Variants in NCOR2 observed in about 807,000 individuals in gnomAD.
NCOR2 encodes the protein nuclear receptor corepressor 2.
A neutral mutation model predicts 262.9 loss-of-function variants in NCOR2; 81 were observed. The ratio of observed to expected loss-of-function variants is 0.31; its 90% CI spans 0.26 to 0.37. The LOEUF is 0.37. NCOR2 is among the 10% of genes least tolerant of loss of function. The pLI is 1.00. For missense variants in NCOR2, 3,385 were observed against 3,621.4 expected (o/e 0.93, Z 1.68); for synonymous variants, 1,659 against 1,559.3 (o/e 1.06, Z -1.51).
At chr12:124,372,301 T>C (rs1403180266) in exon 20 of NCOR2, 2 of 1,535,702 alleles carry the variant, frequency 1.3e-6, no homozygotes, top group East Asian at 4.5e-5. Flanking sequence ...GGGGGGCTTC[T>C]GCTCCTCCCC....
chr12:124,347,245 G>A (rs565977080), intron 30 of NCOR2, among the ~76,000 whole-genome samples: 1 of 152,324 alleles, frequency 6.6e-6, no homozygotes, highest in South Asian at 2.1e-4. Flanking sequence ...GTGTGCATCT[G>A]TGGTCCCAGC....
chr12:124,339,324 C>T (rs2036200835), intron 37 of NCOR2, among the ~76,000 whole-genome samples: 1 of 142,086 alleles, frequency 7.0e-6, no homozygotes, highest in Non-Finnish European at 1.5e-5. Flanking sequence ...TCCATCCATC[C>T]ATCCATCCAT....
chr12:124,327,368 G>C, intron 45 of NCOR2, 41 bp downstream of exon 47: 1 of 1,463,466 alleles, frequency 6.8e-7, no homozygotes. Flanking sequence ...TCACACCGGG[G>C]GTGGGGACAG....
At chr12:124,358,445 C>T (rs1016576374) in intron 22 of NCOR2, among the ~76,000 whole-genome samples, 22 of 152,112 alleles carry the variant, frequency 1.4e-4, no homozygotes, top group Admixed American at 5.9e-4. Flanking sequence ...TGTGTTGTGG[C>T]GGGCAGTGGG....
chr12:124,482,198 G>C lies in NCOR2; in HGVS notation c.411+1398C>G, dbSNP rs1027199500. Among the ~76,000 whole-genome samples the C allele has an allele frequency of 2.6e-4, 39 of 152,120 alleles. No individual in the cohort carries two copies. The highest frequency in any genetic ancestry group is 7.7e-4 in the African/African-American group (32 of 41,418). ...ACTTGGTGAGGCGGGGACTGCCCCAGTGGCAGGGAGGCCAAGCCAGCCAAC... is the reference window on the plus strand; with the variant it reads ...ACTTGGTGAGGCGGGGACTGCCCCACTGGCAGGGAGGCCAAGCCAGCCAAC... On this transcript the variant is annotated intron_variant, in intron 3 of 46. Coordinates refer to ENST00000405201, the Ensembl canonical transcript of NCOR2. The surrounding 1 kb of genome is among the most constrained non-coding windows in gnomAD (Gnocchi z 6.3).
intron 13 of NCOR2, among the ~76,000 whole-genome samples, chr12:124,418,040 G>A (rs1251495778): frequency 4.7e-5 from 7 of 148,406 alleles, no homozygotes; most frequent in East Asian, 2.0e-4. Flanking sequence ...TGACCTGGGC[G>A]ACGGTGTGAA....
At chr12:124,532,056 G>A (rs1254628144) in intron 1 of NCOR2, among the ~76,000 whole-genome samples, 1 of 152,154 alleles carries the variant, frequency 6.6e-6, no homozygotes, top group Non-Finnish European at 1.5e-5. Flanking sequence ...CCCTGGGGAT[G>A]CCACATCGCC....
At chr12:124,381,699 ATC>A (rs1019879128) in intron 17 of NCOR2, among the ~76,000 whole-genome samples, 41 of 152,356 alleles carry the variant, frequency 2.7e-4, no homozygotes, top group African/African-American at 9.6e-4. Flanking sequence ...TGGCTGGACC[ATC>A]TCTCTGCAGG....
intron 5 of NCOR2, among the ~76,000 whole-genome samples, chr12:124,459,278 A>G (rs999652757): frequency 5.9e-5 from 9 of 152,094 alleles, no homozygotes; most frequent in Non-Finnish European, 1.2e-4. Context: ...CACAGCTAGC[A>G]CCTAGAGAGC....
At chr12:124,550,164 A>AG (rs111477225) in intron 1 of NCOR2, among the ~76,000 whole-genome samples, 136,091 of 151,886 alleles carry the variant, frequency 0.9, 61,257 homozygotes, top group East Asian at 1. Flanking sequence ...AGAGTGACCC[A>AG]ACCCCCAAAA....
At chr12:124,347,838 C>A in exon 30 of NCOR2, 1 of 1,565,448 alleles carries the variant, frequency 6.4e-7, no homozygotes, top group Non-Finnish European at 8.7e-7. Context: ...GTGTGATGGA[C>A]CCGCGGATGT....
chr12:124,514,253 A>C (rs1951905990), intron 1 of NCOR2: 1 of 152,226 alleles, frequency 6.6e-6, no homozygotes, highest in Non-Finnish European at 1.5e-5. Context: ...ATGAACCAGG[A>C]AACGGGCCCT....
chr12:124,378,435 C>T lies in NCOR2; in HGVS notation c.2020-51G>A, dbSNP rs769784888. The T allele has an allele frequency of 9.7e-6, 15 of 1,546,090 alleles. No individual in the cohort carries two copies. Among genetic ancestry groups the T allele is most frequent in the African/African-American group, 6.8e-5 (5 of 73,170 alleles). On this transcript the variant is annotated intron_variant, in intron 17 of 46. Transcript: ENST00000405201. This position sits in a 1 kb window ranked among gnomAD's most constrained non-coding sequence, Gnocchi z 4.2. ...AGGACTGGGGCCTGGGCTGTCAGCT[C>T]GGGGACTCCCCATGCCTGGGGCCTC...
intron 16 of NCOR2, among the ~76,000 whole-genome samples, chr12:124,391,095 C>G (rs1342217220): frequency 1.3e-5 from 2 of 152,256 alleles, no homozygotes; most frequent in Non-Finnish European, 2.9e-5. Context: ...GGTGCTCTGG[C>G]CCTCAGGGAG....
At chr12:124,426,560 G>A (rs1330281866) in intron 11 of NCOR2, 62 bp downstream of exon 13, 36 of 1,455,090 alleles carry the variant, frequency 2.5e-5, no homozygotes, top group Non-Finnish European at 3.0e-5. Context: ...GGGAGACAGC[G>A]CAGGCCTCAA....
intron 7 of NCOR2, among the ~76,000 whole-genome samples, chr12:124,438,529 AC>A (rs2044510938): frequency 6.6e-6 from 1 of 150,996 alleles, no homozygotes; most frequent in Non-Finnish European, 1.5e-5. Context: ...TGGTGGGGCC[AC>A]CAGGCATGGA....
intron 17 of NCOR2, among the ~76,000 whole-genome samples, chr12:124,382,491 G>T (rs929766104): frequency 7.2e-5 from 11 of 152,222 alleles, no homozygotes; most frequent in Non-Finnish European, 4.4e-5. Context: ...TTCAGCGTCA[G>T]GGGACAGAAG....
chr12:124,473,087 G>T, exon 4 of NCOR2: 1 of 1,613,980 alleles, frequency 6.2e-7, no homozygotes, highest in Non-Finnish European at 8.5e-7. Context: ...TGTGCGGGGG[G>T]CTGGGGGGAG....
At chr12:124,390,952 C>T (rs1217033926) in intron 16 of NCOR2, among the ~76,000 whole-genome samples, 1 of 152,260 alleles carries the variant, frequency 6.6e-6, no homozygotes, top group Admixed American at 6.5e-5. Flanking sequence ...GCCCGGCGGC[C>T]ACGGGAGTGG....
Sources: allele counts gnomAD v4.1 joint callset (sites outside exome capture counted in the v4.1 genomes callset), GRCh38; gene constraint gnomAD v4.1.1; non-coding constraint Gnocchi (gnomAD v3.1); transcripts MANE v1.5; gene names NCBI Gene and HGNC (gene_info 2026-07-23, HGNC 2026-07-21).